The following TUB variants were observed in gnomAD, a reference collection of about 807,000 sequenced individuals.
The protein encoded by TUB is tubby protein homolog.
In TUB, 33 loss-of-function variants were observed where a neutral mutation model predicts 59.7. That is an observed-to-expected ratio of 0.55 (90% CI 0.42 to 0.74). TUB has a LOEUF of 0.74. TUB is among the 30% of genes least tolerant of loss of function. The pLI is 0.00. For synonymous variants in TUB, 293 were observed against 256.4 expected, an observed-to-expected ratio of 1.14 and a Z score of -1.36; for missense variants, 659 against 672.0, an observed-to-expected ratio of 0.98 and a Z score of 0.21.
At chr11:8,056,136 C>G (rs548208058) in intron 2 of TUB, among the ~76,000 whole-genome samples, 1 of 152,202 alleles carries the variant, frequency 6.6e-6, no homozygotes, top group Non-Finnish European at 1.5e-5. Context: ...TATCCCTTCT[C>G]AGCTCTCTGA....
At chr11:8,063,322 C>T (rs889904219) in intron 2 of TUB, among the ~76,000 whole-genome samples, 1 of 152,196 alleles carries the variant, frequency 6.6e-6, no homozygotes, top group African/African-American at 2.4e-5. Flanking sequence ...TTCAAAATGA[C>T]CTTTAGAAAA....
intron 6 of TUB, 38 bp from the exon 7 acceptor site, chr11:8,097,190 G>T: frequency 1.2e-6 from 2 of 1,610,494 alleles, no homozygotes; most frequent in Non-Finnish European, 8.5e-7. Flanking sequence ...GCTGCTTAGG[G>T]TCCTTGGGGC....
chr11:8,090,958 C>CT (rs1301311818), intron 3 of TUB, among the ~76,000 whole-genome samples: 8 of 152,174 alleles, frequency 5.3e-5, no homozygotes, highest in Non-Finnish European at 2.9e-5. Context: ...TCAGTCTCCA[C>CT]TGCCCCCTGC....
At chr11:8,042,828 C>T (rs1942775173) in intron 2 of TUB, among the ~76,000 whole-genome samples, 2 of 152,056 alleles carry the variant, frequency 1.3e-5, no homozygotes, top group Non-Finnish European at 2.9e-5. Context: ...TTTATATATT[C>T]TAGGTAAAAA....
intron 2 of TUB, among the ~76,000 whole-genome samples, chr11:8,053,796 CGG>C (rs1265454469): frequency 6.7e-6 from 1 of 149,092 alleles, no homozygotes; most frequent in Non-Finnish European, 1.5e-5. Context: ...CCACCGTGCC[CGG>C]CCAATAATTG....
intron 1 of TUB, among the ~76,000 whole-genome samples, chr11:8,025,921 T>A (rs1344744020): frequency 6.6e-6 from 1 of 152,248 alleles, no homozygotes; most frequent in Admixed American, 6.5e-5. Flanking sequence ...CCATTTTATA[T>A]TCTCATGAGC....
chr11:8,066,853 C>A (rs547262294), intron 2 of TUB, among the ~76,000 whole-genome samples: 1 of 152,190 alleles, frequency 6.6e-6, no homozygotes, highest in Non-Finnish European at 1.5e-5. Flanking sequence ...TTGCAAATGA[C>A]CTCTAGTCCT....
chr11:8,080,830 C>T (rs1943537347), upstream of TUB, among the ~76,000 whole-genome samples: 1 of 152,176 alleles, frequency 6.6e-6, no homozygotes. Context: ...CCCGGAGGTT[C>T]CCCCGCCTCT....
chr11:8,056,788 G>C (rs1160612328), intron 2 of TUB, among the ~76,000 whole-genome samples: 3 of 152,000 alleles, frequency 2.0e-5, no homozygotes, highest in Non-Finnish European at 4.4e-5. Context: ...TGTGTGATGT[G>C]GTTTGGGAGG....
rs569656344 is a variant in TUB at position 8,097,938 on chromosome 11, C to T, written c.998+112C>T. 71 of 770,990 alleles carry T rather than the reference C, an allele frequency of 9.2e-5. No homozygotes were observed. The East Asian group carries it at 1.3e-3, about 14-fold the overall frequency. The allele number at this position is 770,990 out of a possible 1,614,324, so 47.8% of individuals were successfully genotyped here. A position where few individuals can be genotyped will look rare whatever the true frequency, so the allele number is the denominator to read the frequency against. On this transcript the variant is annotated intron_variant, in intron 8 of 11. Transcript: ENST00000299506. ...GAGATCTAGGCCAGGGATGGATACT[C>T]TCCCAGGATCCTCTCTGATAATCAC... is the stretch of plus-strand genomic sequence containing the variant.
At chr11:8,086,689 C>T (rs1182675927) in intron 1 of TUB, among the ~76,000 whole-genome samples, 1 of 152,096 alleles carries the variant, frequency 6.6e-6, no homozygotes, top group Non-Finnish European at 1.5e-5. Context: ...TAGTGTAGAC[C>T]CTCCTAGCTG....
At chr11:8,044,191 ACT>A (rs1942794285) in intron 2 of TUB, among the ~76,000 whole-genome samples, 2 of 151,340 alleles carry the variant, frequency 1.3e-5, no homozygotes, top group South Asian at 4.2e-4. Flanking sequence ...TTCCCCTGAA[ACT>A]CCAACTATGT....
intron 8 of TUB, among the ~76,000 whole-genome samples, chr11:8,098,213 G>A (rs1033879711): frequency 3.9e-5 from 6 of 152,072 alleles, no homozygotes; most frequent in Non-Finnish European, 8.8e-5. Flanking sequence ...GGGGTGGGGG[G>A]CAGTGGTGAA....
At chr11:8,032,827 C>T (rs1942595057) in intron 1 of TUB, among the ~76,000 whole-genome samples, 2 of 152,176 alleles carry the variant, frequency 1.3e-5, no homozygotes, top group South Asian at 2.1e-4. Context: ...ACAGGACAGC[C>T]GAGGGCTGAG....
intron 2 of TUB, among the ~76,000 whole-genome samples, chr11:8,042,475 C>T (rs1213075699): frequency 6.6e-6 from 1 of 152,128 alleles, no homozygotes; most frequent in East Asian, 1.9e-4. Context: ...TGTTTTCACT[C>T]CTTGGGTATA....
intron 7 of TUB, 47 bp from the exon 8 acceptor site, chr11:8,097,667 C>T: frequency 6.5e-7 from 1 of 1,530,574 alleles, no homozygotes; most frequent in Non-Finnish European, 9.0e-7. Flanking sequence ...TGACTGTGTG[C>T]AGACCAGAGG....
At chr11:8,039,153 C>G (rs1204637852) in intron 1 of TUB, 2 of 1,220,372 alleles carry the variant, frequency 1.6e-6, no homozygotes, top group African/African-American at 3.1e-5. Flanking sequence ...GTGCTGCTCC[C>G]CTATCACCAC....
upstream of TUB, chr11:8,077,792 C>G (rs1345850752): frequency 1.3e-5 from 2 of 152,210 alleles, no homozygotes; most frequent in Admixed American, 6.5e-5. Context: ...TTATTTCTTC[C>G]TATCTCCCTT....
chr11:8,081,737 C>A (rs1043359296), intron 1 of TUB, among the ~76,000 whole-genome samples, 189 bp downstream of exon 1: 11 of 152,320 alleles, frequency 7.2e-5, no homozygotes, highest in Admixed American at 6.5e-4. Flanking sequence ...GCCTGCCCCG[C>A]TCCACCCCCT....
Sources: allele counts gnomAD v4.1 joint callset (sites outside exome capture counted in the v4.1 genomes callset), GRCh38; gene constraint gnomAD v4.1.1; transcripts MANE v1.5; gene names NCBI Gene and HGNC (gene_info 2026-07-23, HGNC 2026-07-21).